RNF10: variants seen among roughly 807,000 people sequenced by gnomAD.
RNF10 encodes ring finger protein 10.
RNF10 carries 38 observed loss-of-function variants against 91.4 expected under a neutral mutation model. That is an observed-to-expected ratio of 0.42 (90% CI 0.32 to 0.54). The LOEUF is 0.54. Ranked by LOEUF, RNF10 falls within the 20% of genes least tolerant of loss-of-function variation. The pLI is 0.16. For missense variants in RNF10, 945 were observed against 1,012.0 expected (o/e 0.93, Z 0.90); for synonymous variants, 364 against 366.3 (o/e 0.99, Z 0.07).
chr12:120,561,003 T>G (rs1593094170), intron 7 of RNF10, 117 bp downstream of exon 7: 5 of 1,031,616 alleles, frequency 4.8e-6, no homozygotes, highest in Non-Finnish European at 6.9e-6. Flanking sequence ...CGCTGGGGAT[T>G]AAGTTAGTTC....
At chr12:120,545,265 C>T (rs1411068722) in intron 1 of RNF10, among the ~76,000 whole-genome samples, 2 of 152,128 alleles carry the variant, frequency 1.3e-5, no homozygotes, top group African/African-American at 4.8e-5. Context: ...ACTGCAAGCT[C>T]TGCCTCCTGG....
chr12:120,550,745 C>T (rs1387412339), intron 2 of RNF10, among the ~76,000 whole-genome samples: 1 of 151,104 alleles, frequency 6.6e-6, no homozygotes, highest in East Asian at 2.0e-4. Context: ...TATAGGTGCC[C>T]GCCACCATGC....
Position 120,577,452 on chromosome 12 carries a change from C to A in RNF10, c.*786C>A. 1 of 283,090 alleles carries A rather than the reference C, an allele frequency of 3.5e-6. No homozygotes were observed. The highest frequency in any genetic ancestry group is 6.9e-6 in the Non-Finnish European group (1 of 144,346). The allele number at this position is 283,090 out of a possible 1,614,324, so 17.5% of individuals were successfully genotyped here. A position where few individuals can be genotyped will look rare whatever the true frequency, so the allele number is the denominator to read the frequency against. On this transcript the variant is annotated 3_prime_UTR_variant, in exon 17 of 17. Coordinates refer to ENST00000325954, the MANE Select transcript of RNF10 (RefSeq NM_014868.5). ...GAAGCGGTAGCATTGCCACCATCTC[C>A]CTCTCATCTAGAGCAGTTTTCTTAT...
chr12:120,543,253 AT>A (rs1871827276), intron 1 of RNF10, among the ~76,000 whole-genome samples: 1 of 152,232 alleles, frequency 6.6e-6, no homozygotes, highest in Admixed American at 6.5e-5. Context: ...TAGTATAGTT[AT>A]ATCAGAATCT....
intron 14 of RNF10, among the ~76,000 whole-genome samples, chr12:120,573,693 T>A (rs1040394533): frequency 4.6e-5 from 7 of 150,704 alleles, no homozygotes; most frequent in Admixed American, 4.6e-4. Context: ...AGTGAAGGGG[T>A]CCCTGCTTGT....
chr12:120,563,358 G>C lies in RNF10; in HGVS notation c.1266G>C (p.Glu422Asp), dbSNP rs774407546. ...SVFQPRKGVL[E>D]YLSAFDEETT... Reference sequence around the variant, plus strand: ...GTTTGCTGCAACAGGGTGTGCTGGAGTATCTGTCTGCCTTCGATGAAGAAA... The same window carrying C: ...GTTTGCTGCAACAGGGTGTGCTGGACTATCTGTCTGCCTTCGATGAAGAAA... The change falls in exon 9 of 17, where the codon GAG becomes GAC. Residue 422 changes from glutamate to aspartate, a missense_variant. Transcript: ENST00000325954. 6.2e-7 allele frequency: 1 copy of C among 1,611,246 alleles called. No homozygotes were observed. Among genetic ancestry groups the C allele is most frequent in the Non-Finnish European group, 8.5e-7 (1 of 1,179,398 alleles).
Position 120,546,412 on chromosome 12 carries a change from G to A in RNF10, c.165G>A (p.Lys55=). 2 of 1,607,860 alleles carry A rather than the reference G, an allele frequency of 1.2e-6. No individual in the cohort carries two copies. Among genetic ancestry groups the A allele is most frequent in the South Asian group, 2.2e-5 (2 of 90,466 alleles). The stretch of plus-strand genomic sequence containing the variant: ...TGTGTTTCTTGCTTTCAGATGGAAA[G>A]AACTCCAGTGGATCCAAGCGTTATA... ...AGESKPKSDG[K]NSSGSKRYNR... Residue 55 remains lysine, a synonymous_variant, in exon 2 of 17, where the codon AAG becomes AAA. Transcript: ENST00000325954.
chr12:120,552,083 C>CA (rs563764429), intron 2 of RNF10, among the ~76,000 whole-genome samples: 29,240 of 86,286 alleles, frequency 0.34, 4,356 homozygotes, highest in East Asian at 0.54. Context: ...GACTCTGTCT[C>CA]AAAAAAAAAA....
Position 120,565,474 on chromosome 12 carries a change from G to A in RNF10, c.1830G>A (p.Glu610=). Residue 610 remains glutamate (E), a synonymous_variant, in exon 12 of 17, where the codon GAG becomes GAA. Coordinates refer to ENST00000325954, the MANE Select transcript of RNF10 (RefSeq NM_014868.5). ...GTCAGCGCCAAAAGAAGGCTCGGGA[G>A]GAACGCCGCCGAGAGCGCAGGATTG... is the stretch of plus-strand genomic sequence containing the variant. ...RKRQRQKKAR[E]ERRRERRIEI... The A allele has an allele frequency of 6.2e-7, 1 of 1,614,090 alleles. No individual in the cohort carries two copies. Among genetic ancestry groups the A allele is most frequent in the South Asian group, 1.1e-5 (1 of 91,064 alleles).
chr12:120,563,931 C>T lies in RNF10; in HGVS notation c.1653C>T (p.Tyr551=). ...ISATVVEIAG[Y]SMSEDVRQRH... is the part of the protein sequence containing the mutation. ...CAACTGTGGTGGAGATTGCTGGCTA[C>T]TCCATGTCTGAGGTGAGGCCTTCCT... is the stretch of plus-strand genomic sequence containing the variant. The change falls in exon 10 of 17, where the codon TAC becomes TAT. Residue 551 remains tyrosine (Y), a synonymous_variant. Transcript: ENST00000325954. The T allele has an allele frequency of 6.2e-7, 1 of 1,614,162 alleles. No homozygotes were observed. The highest frequency in any genetic ancestry group is 8.5e-7 in the Non-Finnish European group (1 of 1,180,024).
intron 13 of RNF10, 90 bp from the exon 14 acceptor site, chr12:120,571,101 C>T: frequency 4.2e-5 from 30 of 708,508 alleles, no homozygotes; most frequent in Middle Eastern, 2.6e-4. Context: ...TTGTAATTTT[C>T]CAGACCTGAC....
rs993507074 is a variant in RNF10, at chr12:120,551,953, G to A, written c.355-546G>A. 6.6e-5 allele frequency among the ~76,000 whole-genome samples: 10 copies of A among 152,082 alleles called. No homozygotes were observed. In the East Asian group the frequency reaches 9.7e-4, roughly 15 times the overall value. On this transcript the variant is annotated intron_variant, in intron 2 of 16. Coordinates refer to ENST00000325954, the MANE Select transcript of RNF10 (RefSeq NM_014868.5). ...GGGGAGCCCTCAGGGAACTTACAGC[G>A]GGAGAACGGGAAGCAGGCACATCTT...
chr12:120,545,994 T>A (rs1414745254), intron 1 of RNF10, among the ~76,000 whole-genome samples: 2 of 152,248 alleles, frequency 1.3e-5, no homozygotes, highest in Non-Finnish European at 2.9e-5. Flanking sequence ...TAGAATCTGG[T>A]TATGTTATAG....
At chr12:120,560,252 A>G (rs1874652785) in intron 6 of RNF10, among the ~76,000 whole-genome samples, 1 of 148,760 alleles carries the variant, frequency 6.7e-6, no homozygotes, top group Non-Finnish European at 1.5e-5. Context: ...CCTGGGTTCA[A>G]GCGATTCTCC....
At position 120,554,710 on chromosome 12, in the gene RNF10, A is replaced by G. The variant is rs377306606; in HGVS notation, c.555-8A>G. 42 of 1,610,170 alleles carry G rather than the reference A, an allele frequency of 2.6e-5. No homozygotes were observed. Among genetic ancestry groups the G allele is most frequent in the South Asian group, 1.1e-4 (10 of 90,956 alleles). On this transcript the variant is annotated splice_region_variant and splice_polypyrimidine_tract_variant and intron_variant, in intron 3 of 16. Coordinates refer to ENST00000325954, the MANE Select transcript of RNF10 (RefSeq NM_014868.5). ...AGTCTAGCTTTTTCCTGTCTTTCCT[A>G]TTTCTAGCTGCCAATTTGTGGTGTC...
At chr12:120,570,223 A>C (rs996723917) in intron 13 of RNF10, 3 of 124,510 alleles carry the variant, frequency 2.4e-5, no homozygotes, top group Non-Finnish European at 3.2e-5. Context: ...GTTTTGCTCT[A>C]TCACCCAGGC....
chr12:120,551,294 T>TG (rs1555226299), intron 2 of RNF10, among the ~76,000 whole-genome samples: 12 of 129,990 alleles, frequency 9.2e-5, no homozygotes, highest in Admixed American at 7.7e-5. Flanking sequence ...CCTAGTGTTT[T>TG]TTTTTTTTTT....
At position 120,566,819 on chromosome 12, in the gene RNF10, T is replaced by G. The variant is rs1360281129; in HGVS notation, c.1886-6T>G. ...TGGGTTTACAAGGGTTATCTTTCCT[T>G]TGCAGACCCAGAAGTCCACATTCCC... On this transcript the variant is annotated splice_polypyrimidine_tract_variant and splice_region_variant and intron_variant, in intron 12 of 16. Transcript: ENST00000325954. 1 of 1,610,954 alleles carries G rather than the reference T, an allele frequency of 6.2e-7. No homozygotes were observed.
chr12:120,537,868 T>G (rs1330191075), intron 1 of RNF10, among the ~76,000 whole-genome samples: 1 of 152,132 alleles, frequency 6.6e-6, no homozygotes, highest in African/African-American at 2.4e-5. Flanking sequence ...AGGCAGGATA[T>G]GTGGAGATTA....
Sources: allele counts gnomAD v4.1 joint callset (sites outside exome capture counted in the v4.1 genomes callset), GRCh38; gene constraint gnomAD v4.1.1; transcripts MANE v1.5; gene names NCBI Gene and HGNC (gene_info 2026-07-23, HGNC 2026-07-21).